The following ADCY5 variants were observed in gnomAD, a reference collection of about 807,000 sequenced individuals.
ADCY5 encodes adenylate cyclase type 5.
Under a neutral mutation model 119.7 loss-of-function variants are expected in ADCY5, and 30 were observed. That is an observed-to-expected ratio of 0.25 (90% CI 0.19 to 0.34). The LOEUF (loss-of-function observed/expected upper bound fraction) is 0.34, where lower values mean the gene tolerates loss of function less well. Ranked by LOEUF, ADCY5 falls within the 10% of genes least tolerant of loss-of-function variation. The pLI is 1.00. For synonymous variants in ADCY5, 753 were observed against 762.2 expected (o/e 0.99, Z 0.20); for missense variants, 1,324 against 1,775.2 (o/e 0.75, Z 4.57).
chr3:123,334,158 G>A (rs1430412067), intron 3 of ADCY5, among the ~76,000 whole-genome samples: 1 of 152,132 alleles, frequency 6.6e-6, no homozygotes, highest in African/African-American at 2.4e-5. Flanking sequence ...GTACTGAGAT[G>A]CTCCTGGCAG....
intron 1 of ADCY5, among the ~76,000 whole-genome samples, chr3:123,402,364 C>G (rs1162732261): frequency 6.6e-6 from 1 of 152,234 alleles, no homozygotes; most frequent in Non-Finnish European, 1.5e-5. Flanking sequence ...GGCTCCAACC[C>G]AGAGTTACTA....
intron 1 of ADCY5, among the ~76,000 whole-genome samples, chr3:123,423,999 T>C (rs943121236): frequency 2.6e-5 from 4 of 152,210 alleles, no homozygotes; most frequent in African/African-American, 9.6e-5. Context: ...CTCCCTGTGG[T>C]TCCATGCTGG....
chr3:123,307,858 G>A (rs906512790), intron 12 of ADCY5, among the ~76,000 whole-genome samples: 3 of 151,914 alleles, frequency 2.0e-5, no homozygotes. Flanking sequence ...TGGTGAATAT[G>A]GGACCAGGAG....
chr3:123,323,869 G>C (rs916058997), intron 8 of ADCY5, among the ~76,000 whole-genome samples: 1 of 152,212 alleles, frequency 6.6e-6, no homozygotes, highest in Admixed American at 6.5e-5. Flanking sequence ...TCACTATGCT[G>C]TCCAGGCTAG....
chr3:123,298,420 A>C (rs574405730), intron 15 of ADCY5, among the ~76,000 whole-genome samples: 5 of 152,310 alleles, frequency 3.3e-5, no homozygotes, highest in African/African-American at 1.2e-4. Context: ...AGAGGAGGGC[A>C]ACATTCCCTG....
intron 1 of ADCY5, among the ~76,000 whole-genome samples, chr3:123,434,560 C>T (rs1020520866): frequency 2.6e-5 from 4 of 152,216 alleles, no homozygotes; most frequent in African/African-American, 7.2e-5. Flanking sequence ...TGAGATCACA[C>T]ATAAACAAGT....
At chr3:123,368,584 G>A (rs1253626500) in intron 1 of ADCY5, among the ~76,000 whole-genome samples, 1 of 152,036 alleles carries the variant, frequency 6.6e-6, no homozygotes, top group African/African-American at 2.4e-5. Flanking sequence ...GCGACAGATC[G>A]AGACTGTCTC....
intron 1 of ADCY5, among the ~76,000 whole-genome samples, chr3:123,396,467 GAA>G (rs1454552966): frequency 7.9e-6 from 1 of 126,106 alleles, no homozygotes; most frequent in Non-Finnish European, 1.7e-5. Context: ...AGGAGACAAA[GAA>G]AGAAAGAAAG....
chr3:123,284,575 G>C lies in ADCY5; in HGVS notation c.*33C>G, dbSNP rs778063732. On this transcript the variant is annotated 3_prime_UTR_variant, in exon 21 of 21. Coordinates refer to ENST00000462833, the MANE Select transcript of ADCY5 (RefSeq NM_183357.3). The stretch of plus-strand genomic sequence containing the variant: ...AGAAGCTGCTTCCATGCCTCTGGAG[G>C]CCAGGCTGCCTGGCACCATTGGCCA... The C allele has an allele frequency of 1.3e-5, 21 of 1,613,176 alleles. No individual in the cohort carries two copies. The highest frequency in any genetic ancestry group is 1.6e-5 in the Non-Finnish European group (19 of 1,179,302).
At chr3:123,299,814 C>T (rs766588882) in intron 15 of ADCY5, among the ~76,000 whole-genome samples, 11 of 152,244 alleles carry the variant, frequency 7.2e-5, no homozygotes, top group Non-Finnish European at 1.3e-4. Flanking sequence ...TCTGCTGGAC[C>T]GTGACTCCTC....
At position 123,300,253 on chromosome 3, in the gene ADCY5, C is replaced by T. The variant is rs753460084; in HGVS notation, c.2767G>A (p.Val923Met). ...CCGATGCAGCTGATCTGCAGGAACACGGAGCAGGCCAGCAGGCTGAGCAGC... is the reference window on the plus strand; with the variant it reads ...CCGATGCAGCTGATCTGCAGGAACATGGAGCAGGCCAGCAGGCTGAGCAGC... ...SVLLSLLACS[V>M]FLQISCIGKL... Residue 923 changes from valine (V) to methionine (M), a missense_variant, in exon 15 of 21, where the codon GTG (valine) becomes ATG (methionine). Val to Met is a conservative substitution (Grantham distance 21, BLOSUM62 1). Transcript: ENST00000462833. 17 of 1,613,530 alleles carry T rather than the reference C, an allele frequency of 1.1e-5. No homozygotes were observed. The highest frequency in any genetic ancestry group is 8.3e-5 in the Admixed American group (5 of 60,014).
intron 1 of ADCY5, among the ~76,000 whole-genome samples, chr3:123,442,121 T>C (rs538151447): frequency 7.9e-5 from 12 of 152,288 alleles, no homozygotes; most frequent in African/African-American, 2.6e-4. Flanking sequence ...GCCTCACTTA[T>C]GTAACTGTAC....
At chr3:123,311,702 C>T (rs1000701764) in intron 12 of ADCY5, among the ~76,000 whole-genome samples, 2 of 152,068 alleles carry the variant, frequency 1.3e-5, no homozygotes, top group Non-Finnish European at 2.9e-5. Context: ...CGGCAGGTTC[C>T]AGGTTTCATA....
At chr3:123,284,867 C>CTCT in intron 20 of ADCY5, 131 bp from the exon 21 acceptor site, 2 of 1,247,180 alleles carry the variant, frequency 1.6e-6, no homozygotes, top group Middle Eastern at 2.0e-4. Context: ...GCAGCTGCCC[C>CTCT]ACTGAGGTGC....
At chr3:123,380,434 C>T (rs1252969939) in intron 1 of ADCY5, among the ~76,000 whole-genome samples, 1 of 152,214 alleles carries the variant, frequency 6.6e-6, no homozygotes, top group Non-Finnish European at 1.5e-5. Flanking sequence ...ATGACCTAAA[C>T]GATGTCCTAC....
chr3:123,419,260 C>T, intron 1 of ADCY5: 3 of 977,668 alleles, frequency 3.1e-6, no homozygotes, highest in Non-Finnish European at 3.6e-6. Context: ...CACGCGCCCC[C>T]ACAGGCCAGG....
At chr3:123,346,607 T>TTCTCTCTCTCTCTCTCTCTCTC (rs72299981) in intron 3 of ADCY5, among the ~76,000 whole-genome samples, 2,118 of 127,158 alleles carry the variant, frequency 0.017, 13 homozygotes, top group Non-Finnish European at 0.028. Context: ...CAGCCTCACC[T>TTCTCTCTCTCTCTCTCTCTCTC]TCTCTCTCTC....
chr3:123,444,793 G>A (rs926818748), intron 1 of ADCY5, among the ~76,000 whole-genome samples: 6 of 152,192 alleles, frequency 3.9e-5, no homozygotes, highest in African/African-American at 1.2e-4. Context: ...ATGTGTCCAA[G>A]CCACCGAAGG....
rs765222058 is a variant in ADCY5 at position 123,303,182 on chromosome 3, G to A, written c.2597C>T (p.Ala866Val). ...GCTCGCGCTGATGTTGTGCTCCTGT[G>A]CCAAGCAGCCCAGCAGGTCCCTGGA... Reference protein sequence around the residue: ...CNSRDLLGCLAQEHNISASQV... With the variant: ...CNSRDLLGCLVQEHNISASQV... Residue 866 changes from alanine (A) to valine (V), a missense_variant, in exon 14 of 21, where the codon GCA becomes GTA. By Grantham distance (64) the Ala-to-Val change is moderately conservative (BLOSUM62 0). Transcript: ENST00000462833. The A allele has an allele frequency of 1.2e-6, 2 of 1,613,848 alleles. No individual in the cohort carries two copies. The highest frequency in any genetic ancestry group is 1.7e-5 in the Admixed American group (1 of 60,028).
Sources: allele counts gnomAD v4.1 joint callset (sites outside exome capture counted in the v4.1 genomes callset), GRCh38; gene constraint gnomAD v4.1.1; transcripts MANE v1.5; gene names NCBI Gene and HGNC (gene_info 2026-07-23, HGNC 2026-07-21).